Variants in PTH1R observed in about 807,000 individuals in gnomAD.
The protein encoded by PTH1R is parathyroid hormone/parathyroid hormone-related peptide receptor.
In PTH1R, 32 loss-of-function variants were observed where a neutral mutation model predicts 70.7. That is an observed-to-expected ratio of 0.45 (90% confidence interval 0.34 to 0.61). The LOEUF (loss-of-function observed/expected upper bound fraction) is 0.61, where lower values mean the gene tolerates loss of function less well. PTH1R is among the 20% of genes least tolerant of loss of function. The pLI is 0.01. For missense variants in PTH1R, 626 were observed against 792.5 expected, an observed-to-expected ratio of 0.79 and a Z score of 2.52; for synonymous variants, 329 against 324.8, an observed-to-expected ratio of 1.01 and a Z score of -0.14.
rs1210117057 is a variant in PTH1R, at chr3:46,902,873, C to T, written c.1395+83C>T. 8.3e-6 allele frequency: 13 copies of T among 1,561,986 alleles called. No individual in the cohort carries two copies. Among genetic ancestry groups the T allele is most frequent in the South Asian group, 1.1e-5 (1 of 89,912 alleles). On this transcript the variant is annotated intron_variant, in intron 15 of 15. Transcript: ENST00000449590. The surrounding 1 kb of genome is among the most constrained non-coding windows in gnomAD (Gnocchi z 5.4). ...CTCAAGGCTCATTTCTCCATTCTTC[C>T]ACCCTGTTATTTCTTTGTTCCTCCA...
chr3:46,886,077 C>T (rs918045112), intron 3 of PTH1R, among the ~76,000 whole-genome samples: 1 of 152,046 alleles, frequency 6.6e-6, no homozygotes, highest in Admixed American at 6.6e-5. Flanking sequence ...GAGTCTGGGG[C>T]GGGGTGGAGT....
chr3:46,893,808 C>A lies in PTH1R; in HGVS notation c.76-99C>A. ...CCCACCTTCCCTCTAGAGTCAGGGC[C>A]TTTTGAAAGGGGGTAGTCCCTCTGG... On this transcript the variant is annotated intron_variant, in intron 3 of 15. Coordinates refer to ENST00000449590, the MANE Select transcript of PTH1R (RefSeq NM_000316.3). This position sits in a 1 kb window ranked among gnomAD's most constrained non-coding sequence, Gnocchi z 5.2. 1 of 1,126,748 alleles carries A rather than the reference C, an allele frequency of 8.9e-7. No individual in the cohort carries two copies. Among genetic ancestry groups the A allele is most frequent in the Non-Finnish European group, 1.3e-6 (1 of 755,374 alleles). The allele number at this position is 1,126,748 out of a possible 1,614,324, so 69.8% of individuals were successfully genotyped here. A position where few individuals can be genotyped will look rare whatever the true frequency, so the allele number is the denominator to read the frequency against.
At chr3:46,889,566 G>T (rs1191139445) in intron 3 of PTH1R, among the ~76,000 whole-genome samples, 1 of 152,120 alleles carries the variant, frequency 6.6e-6, no homozygotes, top group African/African-American at 2.4e-5. Flanking sequence ...GTAAAATGGG[G>T]ATGTGGTAGA....
intron 4 of PTH1R, 142 bp downstream of exon 4, chr3:46,894,151 C>A: frequency 1.2e-6 from 1 of 805,658 alleles, no homozygotes; most frequent in Non-Finnish European, 2.0e-6. Flanking sequence ...AAGTGAGAAC[C>A]AAAGTGGGGT....
Position 46,892,236 on chromosome 3 carries a change from C to T in PTH1R, c.76-1671C>T, listed in dbSNP as rs1465320928. Among the ~76,000 whole-genome samples, 1 of 152,182 alleles carries T rather than the reference C, an allele frequency of 6.6e-6. No homozygotes were observed. Among genetic ancestry groups the T allele is most frequent in the East Asian group, 1.9e-4 (1 of 5,194 alleles). ...GCGGAGATCTCAGGGTCCACCTCAG[C>T]CCCCAGAGACACCAGAAGCACGGGC... On this transcript the variant is annotated intron_variant, in intron 3 of 15. Coordinates refer to ENST00000449590, the MANE Select transcript of PTH1R (RefSeq NM_000316.3). The surrounding 1 kb of genome is among the most constrained non-coding windows in gnomAD (Gnocchi z 5.2).
At chr3:46,894,436 ACACT>A (rs1413500432) in intron 4 of PTH1R, among the ~76,000 whole-genome samples, 1 of 152,098 alleles carries the variant, frequency 6.6e-6, no homozygotes, top group Non-Finnish European at 1.5e-5. Flanking sequence ...GATTTTGCTC[ACACT>A]CACAGAGACT....
Position 46,902,425 on chromosome 3 carries a change from C to G in PTH1R, c.1212-101C>G. ...CCATGGTGACTGGAGCCCTGGGCCC[C>G]TTTGAGCTTCCGGAGCCTGGGGCTC... On this transcript the variant is annotated intron_variant, in intron 13 of 15. Transcript: ENST00000449590. This position sits in a 1 kb window ranked among gnomAD's most constrained non-coding sequence, Gnocchi z 5.4. The G allele has an allele frequency of 7.2e-6, 11 of 1,520,058 alleles. No individual in the cohort carries two copies. In the South Asian group the frequency reaches 1.2e-4, roughly 17 times the overall value. The allele number at this position is 1,520,058 out of a possible 1,614,324, so 94.2% of individuals were successfully genotyped here. A position where few individuals can be genotyped will look rare whatever the true frequency, so the allele number is the denominator to read the frequency against.
In PTH1R at chr3:46,901,128, G is replaced by A. The variant is rs1437918207; in HGVS notation, c.1049+43G>A. 3.2e-6 allele frequency: 5 copies of A among 1,552,486 alleles called. No homozygotes were observed. In the South Asian group the frequency reaches 4.7e-5, roughly 15 times the overall value. On this transcript the variant is annotated intron_variant, in intron 11 of 15. Coordinates refer to ENST00000449590, the MANE Select transcript of PTH1R (RefSeq NM_000316.3). This position sits in a 1 kb window ranked among gnomAD's most constrained non-coding sequence, Gnocchi z 7.3. The stretch of plus-strand genomic sequence containing the variant: ...AGGGGCCCAGGCAAGAAGCACCCCT[G>A]GGTCCCTTTTCTTCCAGGAAGCATG...
At position 46,883,516 on chromosome 3, in the gene PTH1R, G is replaced by T. The variant is rs2030800352; in HGVS notation, c.-44G>T. On this transcript the variant is annotated 5_prime_UTR_variant, in exon 3 of 16. Transcript: ENST00000449590. This position sits in a 1 kb window ranked among gnomAD's most constrained non-coding sequence, Gnocchi z 6.4. ...TGCACCCCCTACCACCACCAGGGCC[G>T]GCGGCGGCGGCTGCCCCGAGGGACG... 1 of 1,424,808 alleles carries T rather than the reference G, an allele frequency of 7.0e-7. No individual in the cohort carries two copies. The highest frequency in any genetic ancestry group is 9.2e-7 in the Non-Finnish European group (1 of 1,086,202). The allele number at this position is 1,424,808 out of a possible 1,614,324, so 88.3% of individuals were successfully genotyped here.
In PTH1R at chr3:46,892,673, C is replaced by T; in HGVS notation, c.76-1234C>T. On this transcript the variant is annotated intron_variant, in intron 3 of 15. Coordinates refer to ENST00000449590, the MANE Select transcript of PTH1R (RefSeq NM_000316.3). This position sits in a 1 kb window ranked among gnomAD's most constrained non-coding sequence, Gnocchi z 5.2. ...CCTCTCGCCGGTGCCCGCCCCATGC[C>T]CGACCCGCCTTCTTCCTCCCCTGCC... 1.0e-6 allele frequency: 1 copy of T among 962,486 alleles called. No individual in the cohort carries two copies. Among genetic ancestry groups the T allele is most frequent in the Non-Finnish European group, 1.2e-6 (1 of 808,354 alleles). 59.6% of individuals were successfully genotyped at this position (962,486 alleles called of 1,614,324 possible).
intron 10 of PTH1R, among the ~76,000 whole-genome samples, chr3:46,900,174 C>T (rs2032032736): frequency 6.6e-6 from 1 of 152,138 alleles, no homozygotes; most frequent in African/African-American, 2.4e-5. Context: ...CAACAGCCAC[C>T]GCCTCCCTGC....
Position 46,903,007 on chromosome 3 carries a change from T to A in PTH1R, c.1395+217T>A. 1.0e-6 allele frequency: 1 copy of A among 955,006 alleles called. No individual in the cohort carries two copies. The highest frequency in any genetic ancestry group is 1.6e-6 in the Non-Finnish European group (1 of 616,258). The allele number at this position is 955,006 out of a possible 1,614,324, so 59.2% of individuals were successfully genotyped here. On this transcript the variant is annotated intron_variant, in intron 15 of 15. Coordinates refer to ENST00000449590, the MANE Select transcript of PTH1R (RefSeq NM_000316.3). This position sits in a 1 kb window ranked among gnomAD's most constrained non-coding sequence, Gnocchi z 4.4. ...TCAGTCACTGGCATAGCCAAGTGTC[T>A]TCCCAGCCCCATGGTTCAATTATCT...
At chr3:46,878,779 C>T (rs1346680007) in intron 1 of PTH1R, among the ~76,000 whole-genome samples, 1 of 152,108 alleles carries the variant, frequency 6.6e-6, no homozygotes, top group Admixed American at 6.5e-5. Context: ...CAGCCTGGGG[C>T]TGCCACACCA....
chr3:46,883,410 G>A lies in PTH1R; in HGVS notation c.-48-102G>A, dbSNP rs899042391. 6.9e-6 allele frequency: 2 copies of A among 289,166 alleles called. No individual in the cohort carries two copies. The highest frequency in any genetic ancestry group is 1.0e-5 in the Non-Finnish European group (2 of 193,154). The allele number at this position is 289,166 out of a possible 1,614,324, so 17.9% of individuals were successfully genotyped here. On this transcript the variant is annotated intron_variant, in intron 2 of 15. Coordinates refer to ENST00000449590, the MANE Select transcript of PTH1R (RefSeq NM_000316.3). The surrounding 1 kb of genome is among the most constrained non-coding windows in gnomAD (Gnocchi z 6.4). ...GCCCTCAGCGCATGGGCCCCGCGCC[G>A]GGCCCCGGGGCCTCGGGCCGCCGGG... is the stretch of plus-strand genomic sequence containing the variant.
At position 46,899,560 on chromosome 3, in the gene PTH1R, C is replaced by G. The variant is rs1293950437; in HGVS notation, c.988+104C>G. The G allele has an allele frequency of 7.0e-6, 10 of 1,420,520 alleles. No individual in the cohort carries two copies. The Admixed American group carries it at 2.0e-4, about 28-fold the overall frequency. The allele number at this position is 1,420,520 out of a possible 1,614,324, so 88.0% of individuals were successfully genotyped here. On this transcript the variant is annotated intron_variant, in intron 10 of 15. Coordinates refer to ENST00000449590, the MANE Select transcript of PTH1R (RefSeq NM_000316.3). Reference sequence around the variant, plus strand: ...AGGCGCCCACACAGCACATCCCGCCCCAAGTGGAACAGCAGGAGAGAGGCC... The same window carrying G: ...AGGCGCCCACACAGCACATCCCGCCGCAAGTGGAACAGCAGGAGAGAGGCC...
chr3:46,889,684 A>G (rs368144344), intron 3 of PTH1R, among the ~76,000 whole-genome samples: 12 of 152,162 alleles, frequency 7.9e-5, no homozygotes, highest in African/African-American at 2.9e-4. Context: ...GGGGGAGTCA[A>G]GTCAGCCCTA....
chr3:46,895,207 G>T (rs1240398380), intron 4 of PTH1R, among the ~76,000 whole-genome samples: 1 of 152,140 alleles, frequency 6.6e-6, no homozygotes. Context: ...GAGGATCCAG[G>T]GCAGGGGATG....
chr3:46,891,408 G>A lies in PTH1R; in HGVS notation c.76-2499G>A, dbSNP rs2031408477. Among the ~76,000 whole-genome samples the A allele has an allele frequency of 6.6e-6, 1 of 152,252 alleles. No individual in the cohort carries two copies. The highest frequency in any genetic ancestry group is 2.4e-5 in the African/African-American group (1 of 41,472). On this transcript the variant is annotated intron_variant, in intron 3 of 15. Coordinates refer to ENST00000449590, the MANE Select transcript of PTH1R (RefSeq NM_000316.3). The surrounding 1 kb of genome is among the most constrained non-coding windows in gnomAD (Gnocchi z 4.3). ...CCCATGACTGCCTGCCTGCAGTCTA[G>A]GCCATCAGGGGTGACCCCCAGTCAT...
intron 3 of PTH1R, among the ~76,000 whole-genome samples, chr3:46,888,557 C>A (rs2031184622): frequency 1.3e-5 from 2 of 152,168 alleles, no homozygotes; most frequent in African/African-American, 4.8e-5. Flanking sequence ...TTGCAGACCT[C>A]TGAAATTGTC....
Sources: gnomAD v4.1 joint callset for allele counts (sites outside exome capture counted in the v4.1 genomes callset) on GRCh38, gnomAD v4.1.1 for gene constraint, Gnocchi (gnomAD v3.1) non-coding constraint, MANE v1.5 for transcripts, NCBI Gene and HGNC (gene_info 2026-07-23, HGNC 2026-07-21) for gene names.